Variants in BMP7 observed in about 807,000 individuals in gnomAD.
BMP7 encodes the protein bone morphogenetic protein 7.
Under a neutral mutation model 41.2 loss-of-function variants are expected in BMP7, and 12 were observed. The observed-to-expected ratio is 0.29, with a 90% CI of 0.19 to 0.47. The LOEUF (loss-of-function observed/expected upper bound fraction) is 0.47, where lower values mean the gene tolerates loss of function less well. Among genes scored for constraint, BMP7 ranks in the 20% least tolerant of loss-of-function variants. The probability of loss-of-function intolerance (pLI) is 0.99; values close to 1 mark genes in which losing one functional copy is unlikely to be tolerated. For synonymous variants in BMP7, 248 were observed against 250.0 expected, an observed-to-expected ratio of 0.99 and a Z score of 0.07; for missense variants, 467 against 606.0, an observed-to-expected ratio of 0.77 and a Z score of 2.41.
At position 57,266,023 on chromosome 20, in the gene BMP7, C is replaced by T; in HGVS notation, c.100G>A (p.Asp34Asn). 9 of 1,548,030 alleles carry T rather than the reference C, an allele frequency of 5.8e-6. No homozygotes were observed. The highest frequency in any genetic ancestry group is 7.8e-6 in the Non-Finnish European group (9 of 1,146,926). ...LRSALADFSL[D>N]NEVHSSFIHR... ...ATGAAGCTCGAGTGCACCTCGTTGT[C>T]CAGGCTGAAGTCGGCCAGGGCGGAG... The change falls in exon 1 of 7, where the codon GAC becomes AAC. Residue 34 changes from aspartate to asparagine, a missense_variant. By Grantham distance (23) the Asp-to-Asn change is conservative (BLOSUM62 1). Around this residue, in one of 2 missense-constraint regions of BMP7, gnomAD observed 407 missense variants for 485.9 expected, o/e 0.84. Coordinates refer to ENST00000395863, the MANE Select transcript of BMP7 (RefSeq NM_001719.3).
At chr20:57,246,509 G>A (rs1410209166) in intron 1 of BMP7, among the ~76,000 whole-genome samples, 1 of 152,182 alleles carries the variant, frequency 6.6e-6, no homozygotes, top group African/African-American at 2.4e-5. Context: ...TTGAGAAGCA[G>A]TTCAGGATCA....
At chr20:57,238,001 G>A (rs76963412) in intron 1 of BMP7, among the ~76,000 whole-genome samples, 4,248 of 152,220 alleles carry the variant, frequency 0.028, 209 homozygotes, top group African/African-American at 0.096. Context: ...ACTTTTACGT[G>A]TACAGTTCAG....
chr20:57,193,931 A>G (rs1042092288), intron 3 of BMP7, among the ~76,000 whole-genome samples: 5 of 152,200 alleles, frequency 3.3e-5, no homozygotes, highest in Admixed American at 3.3e-4. Context: ...AGAAGGCCCA[A>G]TCGTTGCAGG....
At position 57,251,044 on chromosome 20, in the gene BMP7, G is replaced by A. The variant is rs112281226; in HGVS notation, c.418+14661C>T. On this transcript the variant is annotated intron_variant, in intron 1 of 6. Coordinates refer to ENST00000395863, the MANE Select transcript of BMP7 (RefSeq NM_001719.3). The stretch of plus-strand genomic sequence containing the variant: ...ACAAACCAGCAGCACATCCCACCAC[G>A]GTGGGTAACAGAGCAGCTGAGCTCA... Among the ~76,000 whole-genome samples, 11 of 152,280 alleles carry A rather than the reference G, an allele frequency of 7.2e-5. No homozygotes were observed. The East Asian group carries it at 1.2e-3, about 16-fold the overall frequency.
intron 2 of BMP7, among the ~76,000 whole-genome samples, chr20:57,222,561 A>G (rs396814): frequency 0.66 from 100,164 of 151,890 alleles, 34,089 homozygotes; most frequent in African/African-American, 0.83. Flanking sequence ...TTCTGGAGTG[A>G]GGCCCAGAGA....
At chr20:57,226,276 C>T (rs764280592) in intron 2 of BMP7, among the ~76,000 whole-genome samples, 1 of 152,222 alleles carries the variant, frequency 6.6e-6, no homozygotes, top group Non-Finnish European at 1.5e-5. Context: ...ACAGCCTGGA[C>T]ACAGAGGCTG....
rs765522022 is a variant in BMP7 at position 57,183,895 on chromosome 20, G to A, written c.785C>T (p.Ala262Val). The A allele has an allele frequency of 1.3e-5, 21 of 1,613,826 alleles. No individual in the cohort carries two copies. The highest frequency in any genetic ancestry group is 3.3e-5 in the Admixed American group (2 of 60,028). ...LDGQSINPKL[A>V]GLIGRHGPQN... Reference sequence around the variant, plus strand: ...GGGCCCGTGCCGCCCAATCAGGCCCGCCAACTTGGGGTTGATGCTCTGCCC... The same window carrying A: ...GGGCCCGTGCCGCCCAATCAGGCCCACCAACTTGGGGTTGATGCTCTGCCC... The change falls in exon 4 of 7, where the codon GCG (alanine) becomes GTG (valine). Residue 262 changes from alanine to valine, a missense_variant. Physicochemically the swap from Ala to Val is moderately conservative, Grantham distance 64. Coordinates refer to ENST00000395863, the MANE Select transcript of BMP7 (RefSeq NM_001719.3).
chr20:57,254,525 C>T (rs2146029028), intron 1 of BMP7, among the ~76,000 whole-genome samples: 1 of 152,100 alleles, frequency 6.6e-6, no homozygotes, highest in South Asian at 2.1e-4. Flanking sequence ...AGTTGGTCCC[C>T]TTGTGTGGGA....
chr20:57,189,637 C>T (rs1984304202), intron 3 of BMP7, among the ~76,000 whole-genome samples: 1 of 152,236 alleles, frequency 6.6e-6, no homozygotes, highest in South Asian at 2.1e-4. Context: ...ACACACTGAC[C>T]TTCTCCCTGG....
chr20:57,201,929 T>C (rs1984630697), intron 3 of BMP7, among the ~76,000 whole-genome samples: 1 of 152,138 alleles, frequency 6.6e-6, no homozygotes, highest in East Asian at 1.9e-4. Context: ...CAGACGCACA[T>C]TCAGGTTCTA....
At chr20:57,188,148 A>C (rs927471366) in intron 3 of BMP7, among the ~76,000 whole-genome samples, 2 of 152,228 alleles carry the variant, frequency 1.3e-5, no homozygotes, top group African/African-American at 2.4e-5. Context: ...AAACTTGTAC[A>C]CAAGAGTTGG....
rs966044988 is a variant in BMP7 at position 57,183,728 on chromosome 20, C to T, written c.952G>A (p.Val318Met). 15 of 1,613,926 alleles carry T rather than the reference C, an allele frequency of 9.3e-6. No individual in the cohort carries two copies. The highest frequency in any genetic ancestry group is 1.2e-5 in the Non-Finnish European group (14 of 1,180,050). The change falls in exon 4 of 7, where the codon GTG becomes ATG. Residue 318 changes from valine (V) to methionine (M), a missense_variant. Around this residue, in one of 2 missense-constraint regions of BMP7, gnomAD observed 407 missense variants for 485.9 expected, o/e 0.84. Transcript: ENST00000395863. ...CCCTCCCACCTAAGCATACCTGCCA[C>T]GTTGGCCATCCGCAGGGCTTCCTGG... ...KNQEALRMAN[V>M]AENSSSDQRQ...
intron 4 of BMP7, among the ~76,000 whole-genome samples, chr20:57,179,022 C>T (rs1389706750): frequency 1.3e-5 from 2 of 152,164 alleles, no homozygotes; most frequent in African/African-American, 4.8e-5. Flanking sequence ...TAGTTCAAAC[C>T]CAAGGCCAAA....
At chr20:57,198,791 C>G (rs1393751563) in intron 3 of BMP7, among the ~76,000 whole-genome samples, 1 of 152,166 alleles carries the variant, frequency 6.6e-6, no homozygotes, top group Admixed American at 6.5e-5. Flanking sequence ...GGTTAAACAC[C>G]AGCCTTCTGA....
chr20:57,251,195 C>T lies in BMP7; in HGVS notation c.418+14510G>A, dbSNP rs555676897. On this transcript the variant is annotated intron_variant, in intron 1 of 6. Coordinates refer to ENST00000395863, the MANE Select transcript of BMP7 (RefSeq NM_001719.3). ...AGGCGGCCCGAGGTCAGCCCTCTTC[C>T]TGTCTCCCCACATGGGATCTTCACA... Among the ~76,000 whole-genome samples, 3 of 152,344 alleles carry T rather than the reference C, an allele frequency of 2.0e-5. No homozygotes were observed. In the South Asian group the frequency reaches 6.2e-4, roughly 32 times the overall value.
chr20:57,200,783 T>G (rs992252212), intron 3 of BMP7, among the ~76,000 whole-genome samples: 21 of 151,732 alleles, frequency 1.4e-4, no homozygotes, highest in African/African-American at 4.8e-4. Flanking sequence ...TGACAGAGAC[T>G]CCATCTCAAA....
At chr20:57,196,454 C>A (rs1221887491) in intron 3 of BMP7, among the ~76,000 whole-genome samples, 3 of 152,230 alleles carry the variant, frequency 2.0e-5, no homozygotes, top group Non-Finnish European at 4.4e-5. Context: ...TGTGCCCCTG[C>A]TGCTTCGAAC....
In BMP7 at chr20:57,243,102, G is replaced by A. The variant is rs76757901; in HGVS notation, c.419-14681C>T. 3.2e-3 allele frequency among the ~76,000 whole-genome samples: 486 copies of A among 152,282 alleles called. 6 individuals carry two copies. In the South Asian group the frequency reaches 0.034, roughly 11 times the overall value. On this transcript the variant is annotated intron_variant, in intron 1 of 6. Coordinates refer to ENST00000395863, the MANE Select transcript of BMP7 (RefSeq NM_001719.3). ...TCCCCATCATTGAAGAGGTGCTGTC[G>A]CCCACACTGCTTTGTAGCACCAAGG... is the stretch of plus-strand genomic sequence containing the variant.
chr20:57,265,622 C>T (rs2066173576), intron 1 of BMP7, 83 bp downstream of exon 1: 30 of 1,532,406 alleles, frequency 2.0e-5, no homozygotes, highest in Non-Finnish European at 2.7e-5. Flanking sequence ...GCTGGGCGGG[C>T]TGCATAGAAG....
Sources: gnomAD v4.1 joint callset for allele counts (sites outside exome capture counted in the v4.1 genomes callset) on GRCh38, gnomAD v4.1.1 for gene constraint, gnomAD v4.1.1 regional missense constraint, MANE v1.5 for transcripts, NCBI Gene and HGNC (gene_info 2026-07-23, HGNC 2026-07-21) for gene names.